TMEM74: variants seen among roughly 807,000 people sequenced by gnomAD.
The protein encoded by TMEM74 is transmembrane protein 74.
In TMEM74, 13 loss-of-function variants were observed where a neutral mutation model predicts 18.1. The observed-to-expected ratio is 0.72, with a 90% CI of 0.47 to 1.14. TMEM74 has a LOEUF of 1.14. Ranked by LOEUF, TMEM74 falls within the 50% of genes most tolerant of loss-of-function variation. The pLI is 0.00. For synonymous variants in TMEM74, 159 were observed against 146.6 expected (o/e 1.08, Z -0.61); for missense variants, 372 against 375.9 (o/e 0.99, Z 0.09).
chr8:108,723,072 G>T (rs903935044), intron 1 of TMEM74, among the ~76,000 whole-genome samples: 2 of 152,120 alleles, frequency 1.3e-5, no homozygotes, highest in African/African-American at 4.8e-5. Context: ...TCCTGGGCTG[G>T]GTACAGTCTG....
chr8:108,661,902 G>A (rs902040700), intron 1 of TMEM74, among the ~76,000 whole-genome samples: 5 of 152,122 alleles, frequency 3.3e-5, no homozygotes, highest in African/African-American at 1.2e-4. Context: ...TCCTTATAAG[G>A]AGAGTGAAAG....
intron 1 of TMEM74, among the ~76,000 whole-genome samples, chr8:108,735,408 T>C (rs949864790): frequency 1.3e-5 from 1 of 79,742 alleles, no homozygotes; most frequent in South Asian, 3.6e-4. Context: ...TAATCTACTT[T>C]CTGTATCTAC....
rs1194861100 is a variant in TMEM74 at position 108,783,305 on chromosome 8, T to C, written c.*876A>G. On this transcript the variant is annotated 3_prime_UTR_variant, in exon 2 of 2. Transcript: ENST00000297459. ...GAGCCAATCATGACTCAGGCCTGTC[T>C]AGATGTTTAGATGTCTGGAAATATA... is the stretch of plus-strand genomic sequence containing the variant. 6.6e-6 allele frequency among the ~76,000 whole-genome samples: 1 copy of C among 152,194 alleles called. No homozygotes were observed. Among genetic ancestry groups the C allele is most frequent in the African/African-American group, 2.4e-5 (1 of 41,458 alleles).
chr8:108,757,563 C>A lies in TMEM74; in HGVS notation n.119+29913G>T, dbSNP rs575196069. Among the ~76,000 whole-genome samples the A allele has an allele frequency of 4.0e-4, 61 of 151,828 alleles. 2 individuals are homozygous for A. The highest frequency in any genetic ancestry group is 3.5e-3 in the South Asian group (17 of 4,798). On this transcript the variant is annotated intron_variant and non_coding_transcript_variant, in intron 1 of 3. Coordinates refer to the TMEM74 transcript ENST00000518838. ...TTAGTCACTTTTATCTGAGAAAGAA[C>A]CTTAACAAAGTCAATTTACATGTTT...
chr8:108,657,063 C>G lies in TMEM74; in HGVS notation n.120-1626G>C, dbSNP rs76900374. Among the ~76,000 whole-genome samples, 843 of 152,134 alleles carry G rather than the reference C, an allele frequency of 5.5e-3. 11 individuals are homozygous for G. The highest frequency in any genetic ancestry group is 0.018 in the African/African-American group (755 of 41,530). On this transcript the variant is annotated intron_variant and non_coding_transcript_variant, in intron 1 of 3. Coordinates refer to the TMEM74 transcript ENST00000518838. The stretch of plus-strand genomic sequence containing the variant: ...CATAAAGTGCATTTTATAATATTCA[C>G]TTTTTGGTATGAAAATATTAGTCTT...
At chr8:108,723,641 A>G (rs1046326168) in intron 1 of TMEM74, among the ~76,000 whole-genome samples, 3 of 152,242 alleles carry the variant, frequency 2.0e-5, no homozygotes, top group African/African-American at 4.8e-5. Flanking sequence ...AATTAACTTC[A>G]ATGCTCTGAA....
At chr8:108,708,440 A>G (rs1339323638) in intron 1 of TMEM74, among the ~76,000 whole-genome samples, 1 of 152,080 alleles carries the variant, frequency 6.6e-6, no homozygotes, top group African/African-American at 2.4e-5. Flanking sequence ...TTCTGTTTTT[A>G]GCTCTTTGAG....
At position 108,718,242 on chromosome 8, in the gene TMEM74, G is replaced by A. The variant is rs565420435; in HGVS notation, n.120-62805C>T. ...CAAAGTGCTGGGATTACAGGCGTGA[G>A]CCACCGCGCCCGGCCCTGACTTAGG... On this transcript the variant is annotated intron_variant and non_coding_transcript_variant, in intron 1 of 3. Transcript: ENST00000518838. Among the ~76,000 whole-genome samples, 20 of 71,122 alleles carry A rather than the reference G, an allele frequency of 2.8e-4. 1 individual carries two copies. The highest frequency in any genetic ancestry group is 4.5e-4 in the Non-Finnish European group (20 of 44,454). The allele number at this position is 71,122 out of a possible 152,430, so 46.7% of individuals were successfully genotyped here. A position where few individuals can be genotyped will look rare whatever the true frequency, so the allele number is the denominator to read the frequency against.
chr8:108,681,288 A>G (rs557570498), intron 1 of TMEM74, among the ~76,000 whole-genome samples: 1 of 152,320 alleles, frequency 6.6e-6, no homozygotes, highest in African/African-American at 2.4e-5. Flanking sequence ...TACAGTAACC[A>G]AAACAGCATG....
chr8:108,682,892 C>A (rs1346266376), intron 1 of TMEM74, among the ~76,000 whole-genome samples: 1 of 151,634 alleles, frequency 6.6e-6, no homozygotes, highest in African/African-American at 2.4e-5. Flanking sequence ...CAATCTATAG[C>A]AGATTTAATC....
chr8:108,662,709 T>C (rs1474625981), intron 1 of TMEM74, among the ~76,000 whole-genome samples: 2 of 152,120 alleles, frequency 1.3e-5, no homozygotes, highest in Non-Finnish European at 2.9e-5. Flanking sequence ...TTATTGTAGT[T>C]AGAAGGTGAG....
rs1280182756 is a variant in TMEM74, at chr8:108,784,471, C to T, written c.628G>A (p.Ala210Thr). The T allele has an allele frequency of 1.5e-5, 24 of 1,614,028 alleles. No individual in the cohort carries two copies. The South Asian group carries it at 2.2e-4, about 15-fold the overall frequency. Residue 210 changes from alanine to threonine, a missense_variant, in exon 2 of 2, where the codon GCA becomes ACA. Transcript: ENST00000297459. ...TCCAGGCGCTCCATCTCCCGGGCTG[C>T]CACAGTGTTGGGGTCCACAGTCACT... ...REVTVDPNTV[A>T]AREMERLEKE...
At chr8:108,763,546 TG>T (rs1184334207) in intron 1 of TMEM74, among the ~76,000 whole-genome samples, 1 of 152,142 alleles carries the variant, frequency 6.6e-6, no homozygotes, top group African/African-American at 2.4e-5. Context: ...TTAGATTATT[TG>T]GGAATGACCA....
intron 1 of TMEM74, among the ~76,000 whole-genome samples, chr8:108,716,942 T>G (rs984210011): frequency 7.9e-5 from 12 of 151,850 alleles, no homozygotes; most frequent in African/African-American, 2.9e-4. Context: ...ATTTTAAAAC[T>G]CAATGAAAAT....
chr8:108,776,940 C>T (rs74773094), downstream of TMEM74, among the ~76,000 whole-genome samples: 27 of 152,276 alleles, frequency 1.8e-4, no homozygotes, highest in East Asian at 1.9e-3. Flanking sequence ...CGATAATCAA[C>T]ATGAACATAT....
At chr8:108,650,833 C>A (rs1586247508) in intron 2 of TMEM74, among the ~76,000 whole-genome samples, 1 of 152,128 alleles carries the variant, frequency 6.6e-6, no homozygotes, top group African/African-American at 2.4e-5. Context: ...GCCTCAGCCT[C>A]CTGAGTAGCT....
At chr8:108,672,523 A>T (rs1434861320) in intron 1 of TMEM74, among the ~76,000 whole-genome samples, 1 of 152,168 alleles carries the variant, frequency 6.6e-6, no homozygotes, top group South Asian at 2.1e-4. Context: ...GGACCAGCAC[A>T]GCTGCTTTCT....
intron 1 of TMEM74, among the ~76,000 whole-genome samples, chr8:108,754,200 T>C (rs1023041590): frequency 3.8e-4 from 58 of 152,118 alleles, no homozygotes; most frequent in African/African-American, 1.4e-3. Context: ...TATCTCCTAC[T>C]CCCCTTTGTG....
At chr8:108,656,122 G>C (rs1424655842) in intron 1 of TMEM74, among the ~76,000 whole-genome samples, 1 of 152,084 alleles carries the variant, frequency 6.6e-6, no homozygotes, top group Non-Finnish European at 1.5e-5. Flanking sequence ...GTCCCCAGGA[G>C]AGGCAGACTA....
Sources: allele counts gnomAD v4.1 joint callset (sites outside exome capture counted in the v4.1 genomes callset), GRCh38; gene constraint gnomAD v4.1.1; transcripts MANE v1.5; gene names NCBI Gene and HGNC (gene_info 2026-07-23, HGNC 2026-07-21).